The following HIVEP3 variants were observed in gnomAD, a reference collection of about 807,000 sequenced individuals.
HIVEP3 encodes HIVEP zinc finger 3.
A neutral mutation model predicts 152.8 loss-of-function variants in HIVEP3; 49 were observed. That is an observed-to-expected ratio of 0.32 (90% CI 0.26 to 0.41). The LOEUF is 0.41. Among genes scored for constraint, HIVEP3 ranks in the 10% least tolerant of loss-of-function variants. The pLI is 1.00. For synonymous variants in HIVEP3, 1,269 were observed against 1,289.0 expected, an observed-to-expected ratio of 0.98 and a Z score of 0.33; for missense variants, 2,790 against 3,103.3, an observed-to-expected ratio of 0.90 and a Z score of 2.40.
chr1:41,946,944 A>G (rs562827230), intron 1 of HIVEP3, among the ~76,000 whole-genome samples: 8 of 152,302 alleles, frequency 5.3e-5, no homozygotes, highest in African/African-American at 1.9e-4. Flanking sequence ...AGGATTATCA[A>G]TGAGGCCGTT....
In HIVEP3 at chr1:41,530,988, G is replaced by A. The variant is rs1643227457; in HGVS notation, c.5208-6078C>T. The stretch of plus-strand genomic sequence containing the variant: ...TAGCCTGCTGGGGAACACGAGGGAG[G>A]AGCCTGGGTTGGGTGAGGCCAGGGA... On this transcript the variant is annotated intron_variant, in intron 5 of 8. Transcript: ENST00000372583. Among the ~76,000 whole-genome samples, 6 of 152,214 alleles carry A rather than the reference G, an allele frequency of 3.9e-5. No individual in the cohort carries two copies. The South Asian group carries it at 1.2e-3, about 32-fold the overall frequency.
chr1:41,599,693 C>G (rs539676918), intron 3 of HIVEP3, among the ~76,000 whole-genome samples: 1 of 151,996 alleles, frequency 6.6e-6, no homozygotes, highest in Non-Finnish European at 1.5e-5. Flanking sequence ...AGATGTGGCA[C>G]CAAAAGCATA....
At chr1:41,752,064 T>C (rs184535497) in intron 1 of HIVEP3, among the ~76,000 whole-genome samples, 1 of 152,328 alleles carries the variant, frequency 6.6e-6, no homozygotes, top group East Asian at 1.9e-4. Context: ...CTCAGGGGTG[T>C]GACTTTGAGT....
intron 1 of HIVEP3, chr1:41,847,363 T>C (rs750953416): frequency 1.3e-5 from 2 of 152,214 alleles, no homozygotes; most frequent in Non-Finnish European, 2.9e-5. Flanking sequence ...AAGTTGTTCA[T>C]ATAAGATATT....
rs759492269 is a variant in HIVEP3 at position 41,583,589 on chromosome 1, C to T, written c.1209G>A (p.Gln403=). 1 of 1,614,102 alleles carries T rather than the reference C, an allele frequency of 6.2e-7. No homozygotes were observed. Among genetic ancestry groups the T allele is most frequent in the African/African-American group, 1.3e-5 (1 of 75,024 alleles). The part of the protein sequence containing the change: ...YFSRSESAEQ[Q]VSPPNTNAKS... ...TGGCGTTGGTGTTTGGGGGGCTGACCTGCTGCTCTGCACTCTCGGAGCGAG... is the reference window on the plus strand; with the variant it reads ...TGGCGTTGGTGTTTGGGGGGCTGACTTGCTGCTCTGCACTCTCGGAGCGAG... Residue 403 remains glutamine (Q), a synonymous_variant, in exon 4 of 9, where the codon CAG becomes CAA. Transcript: ENST00000372583. The surrounding 1 kb of genome is among the most constrained non-coding windows in gnomAD (Gnocchi z 6.9).
chr1:41,563,553 T>C (rs2181275), intron 5 of HIVEP3, among the ~76,000 whole-genome samples: 60,581 of 151,590 alleles, frequency 0.4, 12,128 homozygotes, highest in East Asian at 0.52. Flanking sequence ...AAGGCACCAC[T>C]GTTGAAGACT....
rs758046080 is a variant in HIVEP3, at chr1:41,565,553, CACAG to C, written c.5207+9987_5207+9990del. On this transcript the variant is annotated intron_variant, in intron 5 of 8. Transcript: ENST00000372583. ...ACACACACACACACACACACACACA[CACAG>C]AGAGAGAGAGAGGGCAAGCGAGCAC... Among the ~76,000 whole-genome samples, 39 of 123,054 alleles carry C rather than the reference CACAG, an allele frequency of 3.2e-4. No homozygotes were observed. The East Asian group carries it at 4.2e-3, about 13-fold the overall frequency. The allele number at this position is 123,054 out of a possible 152,430, so 80.7% of individuals were successfully genotyped here.
chr1:41,570,160 G>T (rs930914806), intron 5 of HIVEP3, among the ~76,000 whole-genome samples: 1 of 152,162 alleles, frequency 6.6e-6, no homozygotes, highest in African/African-American at 2.4e-5. Context: ...GGAGCCTGGG[G>T]CTGGGCCATG....
chr1:41,621,426 C>G (rs1236994789), intron 3 of HIVEP3, among the ~76,000 whole-genome samples: 1 of 152,274 alleles, frequency 6.6e-6, no homozygotes, highest in Admixed American at 6.5e-5. Context: ...CCCCCTCTGT[C>G]TCCCAAGGGA....
intron 1 of HIVEP3, among the ~76,000 whole-genome samples, chr1:41,834,195 G>A (rs1033260574): frequency 6.6e-6 from 1 of 152,210 alleles, no homozygotes; most frequent in African/African-American, 2.4e-5. Context: ...AGTCTTTGGG[G>A]ACAGGAGGGG....
chr1:41,546,502 G>C (rs543222996), intron 5 of HIVEP3, among the ~76,000 whole-genome samples: 2 of 152,326 alleles, frequency 1.3e-5, no homozygotes, highest in African/African-American at 2.4e-5. Flanking sequence ...AAGTTTCTAA[G>C]TGAGGAGCCC....
intron 3 of HIVEP3, among the ~76,000 whole-genome samples, chr1:41,610,481 C>A (rs1031303531): frequency 2.6e-5 from 4 of 152,180 alleles, no homozygotes; most frequent in Non-Finnish European, 5.9e-5. Flanking sequence ...CTAGGGGAAT[C>A]CTACTGGATG....
chr1:41,784,851 A>AT (rs375911208), intron 1 of HIVEP3, among the ~76,000 whole-genome samples: 65 of 151,546 alleles, frequency 4.3e-4, no homozygotes, highest in African/African-American at 1.5e-3. Flanking sequence ...AAGTTTTTAC[A>AT]TTTTTTTTTC....
At chr1:41,560,570 G>A (rs1644044620) in intron 5 of HIVEP3, among the ~76,000 whole-genome samples, 1 of 152,212 alleles carries the variant, frequency 6.6e-6, no homozygotes, top group South Asian at 2.1e-4. Context: ...CCCTTGGGAT[G>A]CGGCCAGGCT....
At chr1:42,007,672 A>G (rs1276134557) in intron 1 of HIVEP3, among the ~76,000 whole-genome samples, 1 of 152,196 alleles carries the variant, frequency 6.6e-6, no homozygotes, top group Non-Finnish European at 1.5e-5. Context: ...CACAGGTGCA[A>G]GTGCACACTG....
intron 1 of HIVEP3, among the ~76,000 whole-genome samples, chr1:41,908,697 A>C (rs1465649046): frequency 1.3e-5 from 2 of 152,224 alleles, no homozygotes; most frequent in African/African-American, 4.8e-5. Flanking sequence ...ACTGGATACT[A>C]TAGAAAAACT....
chr1:41,865,168 C>T (rs938974650), intron 1 of HIVEP3, among the ~76,000 whole-genome samples: 3 of 152,162 alleles, frequency 2.0e-5, no homozygotes, highest in African/African-American at 7.2e-5. Context: ...AAATTAAAGC[C>T]CTTCCTCATA....
intron 1 of HIVEP3, among the ~76,000 whole-genome samples, chr1:42,000,803 G>A (rs762474406): frequency 1.3e-5 from 2 of 152,192 alleles, no homozygotes; most frequent in Non-Finnish European, 2.9e-5. Context: ...GAGAAGCAGA[G>A]CAACCAATCG....
chr1:41,571,495 A>G (rs1375987764), intron 5 of HIVEP3, among the ~76,000 whole-genome samples: 2 of 152,196 alleles, frequency 1.3e-5, no homozygotes, highest in Non-Finnish European at 2.9e-5. Context: ...AGTGATGGGG[A>G]ATGCAGAGGG....
Sources: gnomAD v4.1 joint callset for allele counts (sites outside exome capture counted in the v4.1 genomes callset) on GRCh38, gnomAD v4.1.1 for gene constraint, Gnocchi (gnomAD v3.1) non-coding constraint, MANE v1.5 for transcripts, NCBI Gene and HGNC (gene_info 2026-07-23, HGNC 2026-07-21) for gene names.